The following RASA2 variants were observed in gnomAD, a reference collection of about 807,000 sequenced individuals.
RASA2 encodes the protein ras GTPase-activating protein 2.
In RASA2, 155 loss-of-function variants were observed where a neutral mutation model predicts 118.2. That is an observed-to-expected ratio of 1.31 (90% CI 1.15 to 1.50). The LOEUF (loss-of-function observed/expected upper bound fraction) is 1.50. Ranked by LOEUF, RASA2 falls within the 40% of genes most tolerant of loss-of-function variation. The pLI is 0.00. For missense variants in RASA2, 1,016 were observed against 1,009.6 expected, an observed-to-expected ratio of 1.01 and a Z score of -0.09; for synonymous variants, 353 against 349.1, an observed-to-expected ratio of 1.01 and a Z score of -0.12.
chr3:141,575,882 C>T (rs1214355689), intron 14 of RASA2, among the ~76,000 whole-genome samples: 1 of 152,120 alleles, frequency 6.6e-6, no homozygotes, highest in African/African-American at 2.4e-5. Context: ...GCAACTCCGC[C>T]TCCCAGGTTT....
intron 5 of RASA2, among the ~76,000 whole-genome samples, chr3:141,552,244 G>C (rs1227689403): frequency 6.6e-6 from 1 of 151,946 alleles, no homozygotes; most frequent in Non-Finnish European, 1.5e-5. Flanking sequence ...TAGAAAATTG[G>C]ATTTCTGTCA....
chr3:141,586,321 G>C (rs879515080), intron 18 of RASA2, among the ~76,000 whole-genome samples: 2 of 152,144 alleles, frequency 1.3e-5, no homozygotes, highest in Non-Finnish European at 2.9e-5. Context: ...ATTATAGTGA[G>C]ATGATGGGTA....
At chr3:141,519,649 T>C (rs2082081486) in intron 3 of RASA2, among the ~76,000 whole-genome samples, 1 of 152,228 alleles carries the variant, frequency 6.6e-6, no homozygotes, top group South Asian at 2.1e-4. Context: ...GTGGTGTATT[T>C]TTTTAGATGT....
At chr3:141,519,992 CTTTTCT>C (rs1228203602) in intron 3 of RASA2, among the ~76,000 whole-genome samples, 35 of 143,128 alleles carry the variant, frequency 2.4e-4, no homozygotes, top group Non-Finnish European at 4.5e-4. Context: ...AGAACAATTT[CTTTTCT>C]TTTTCTTTTT....
At chr3:141,571,188 A>G in intron 10 of RASA2, 120 bp downstream of exon 10, 2 of 1,108,956 alleles carry the variant, frequency 1.8e-6, no homozygotes, top group Admixed American at 3.0e-5. Context: ...TTATATACAT[A>G]CATATATATA....
At chr3:141,592,391 G>GTAC (rs2083298747) in intron 19 of RASA2, among the ~76,000 whole-genome samples, 1 of 152,098 alleles carries the variant, frequency 6.6e-6, no homozygotes, top group Non-Finnish European at 1.5e-5. Context: ...TTGAAGAAGA[G>GTAC]GGTAAGTCAT....
At chr3:141,610,385 A>ATATATT (rs1230077095) in intron 23 of RASA2, among the ~76,000 whole-genome samples, 2 of 96,234 alleles carry the variant, frequency 2.1e-5, no homozygotes, top group Admixed American at 2.6e-4. Context: ...TTTATATATT[A>ATATATT]TATATTTATA....
In RASA2 at chr3:141,614,016, C is replaced by T. The variant is rs962278938; in HGVS notation, c.*1703C>T. On this transcript the variant is annotated 3_prime_UTR_variant, in exon 24 of 24. Coordinates refer to ENST00000286364, the MANE Select transcript of RASA2 (RefSeq NM_006506.5). ...AGCCATTTAATAAATTTCTTATTCT[C>T]AAATTGCATTTAGATTAAAATTCCT... 6.6e-6 allele frequency: 1 copy of T among 152,174 alleles called. No homozygotes were observed. Among genetic ancestry groups the T allele is most frequent in the Non-Finnish European group, 1.5e-5 (1 of 68,024 alleles). 9.4% of individuals were successfully genotyped at this position (152,174 alleles called of 1,614,324 possible). A position where few individuals can be genotyped will look rare whatever the true frequency, so the allele number is the denominator to read the frequency against.
chr3:141,608,094 A>C (rs1022884015), intron 20 of RASA2, among the ~76,000 whole-genome samples: 4 of 152,104 alleles, frequency 2.6e-5, no homozygotes, highest in Non-Finnish European at 5.9e-5. Context: ...GTCCCAAGCT[A>C]TCTGTCCAGC....
At chr3:141,598,301 G>T (rs2083407375) in intron 19 of RASA2, among the ~76,000 whole-genome samples, 1 of 152,114 alleles carries the variant, frequency 6.6e-6, no homozygotes, top group Non-Finnish European at 1.5e-5. Flanking sequence ...ATAATGAAGT[G>T]GGGTTTGTCC....
chr3:141,580,086 ATATATAT>A (rs1176232266), intron 15 of RASA2, among the ~76,000 whole-genome samples: 897 of 51,232 alleles, frequency 0.018, 18 homozygotes, highest in East Asian at 0.05. Flanking sequence ...AAAAAAAAAA[ATATATAT>A]ATATATATAT....
At chr3:141,601,943 T>G (rs1348618296) in intron 19 of RASA2, among the ~76,000 whole-genome samples, 1 of 152,234 alleles carries the variant, frequency 6.6e-6, no homozygotes, top group Non-Finnish European at 1.5e-5. Flanking sequence ...TCATCTGTTG[T>G]ACTTTTCAGC....
rs2083681176 is a variant in RASA2, at chr3:141,613,371, TG to T, written c.*1059del. On this transcript the variant is annotated 3_prime_UTR_variant, in exon 24 of 24. Coordinates refer to ENST00000286364, the MANE Select transcript of RASA2 (RefSeq NM_006506.5). ...CCTGAAAATGTTTATATTTCATTGC[TG>T]TTTCCTTATTGCCTGCTAGCCAAAT... 6.6e-6 allele frequency: 1 copy of T among 152,246 alleles called. No individual in the cohort carries two copies. The highest frequency in any genetic ancestry group is 1.5e-5 in the Non-Finnish European group (1 of 68,034). The allele number at this position is 152,246 out of a possible 1,614,324, so 9.4% of individuals were successfully genotyped here.
intron 3 of RASA2, among the ~76,000 whole-genome samples, chr3:141,522,993 G>A (rs1259060607): frequency 6.6e-6 from 1 of 152,092 alleles, no homozygotes; most frequent in African/African-American, 2.4e-5. Context: ...GCGGAACACT[G>A]GCACTTACTC....
chr3:141,591,452 T>C (rs762501532), intron 19 of RASA2, among the ~76,000 whole-genome samples: 1 of 152,200 alleles, frequency 6.6e-6, no homozygotes, highest in Non-Finnish European at 1.5e-5. Flanking sequence ...ATTACTTTTG[T>C]CCATCTCTTC....
intron 4 of RASA2, among the ~76,000 whole-genome samples, chr3:141,533,843 C>T (rs2082291614): frequency 6.6e-6 from 1 of 152,124 alleles, no homozygotes; most frequent in Non-Finnish European, 1.5e-5. Flanking sequence ...CTTTCAGACT[C>T]TGCAGTGGGT....
At position 141,610,059 on chromosome 3, in the gene RASA2, G is replaced by C; in HGVS notation, c.2512G>C (p.Gly838Arg). 1 of 1,571,228 alleles carries C rather than the reference G, an allele frequency of 6.4e-7. No homozygotes were observed. Among genetic ancestry groups the C allele is most frequent in the Non-Finnish European group, 8.6e-7 (1 of 1,160,372 alleles). The change falls in exon 23 of 24, where the codon GGG (glycine) becomes CGG (arginine). Residue 838 changes from glycine to arginine, a missense_variant. Gly to Arg is a moderately radical substitution (Grantham distance 125). Around this residue, in one of 2 missense-constraint regions of RASA2, gnomAD observed 120 missense variants for 173.2 expected, o/e 0.69. Transcript: ENST00000286364. ...RKKRSSSAKY[G>R]SKENPIVGKA... is the part of the protein sequence containing the mutation. The stretch of plus-strand genomic sequence containing the variant: ...GAAAAGATCCAGTAGTGCAAAATAT[G>C]GGAGCAAGTGAGTAATTTTTAAGCT...
chr3:141,497,152 C>T (rs531600300), intron 1 of RASA2, among the ~76,000 whole-genome samples: 43 of 126,628 alleles, frequency 3.4e-4, no homozygotes, highest in Admixed American at 9.7e-4. Flanking sequence ...ACATCACACA[C>T]CGGGGCCTGT....
At position 141,607,737 on chromosome 3, in the gene RASA2, G is replaced by A; in HGVS notation, c.1993G>A (p.Glu665Lys). The change falls in exon 20 of 24, where the codon GAG becomes AAG. Residue 665 changes from glutamate (E) to lysine (K), a missense_variant. Coordinates refer to ENST00000286364, the MANE Select transcript of RASA2 (RefSeq NM_006506.5). The part of the protein sequence containing the change: ...KNILAVEKLE[E>K]SSFNKKNMFQ... ...CATTCTTGCTGTGGAAAAACTGGAA[G>A]AGAGCTCTTTCAACAAGAAAAATGT... 1.3e-6 allele frequency: 2 copies of A among 1,598,082 alleles called. No individual in the cohort carries two copies. The highest frequency in any genetic ancestry group is 1.7e-6 in the Non-Finnish European group (2 of 1,173,072).
Sources: allele counts gnomAD v4.1 joint callset (sites outside exome capture counted in the v4.1 genomes callset), GRCh38; gene constraint gnomAD v4.1.1; regional missense constraint gnomAD v4.1.1; transcripts MANE v1.5; gene names NCBI Gene and HGNC (gene_info 2026-07-23, HGNC 2026-07-21).